CELF2: variants seen among roughly 807,000 people sequenced by gnomAD.
CELF2 encodes CUG triplet repeat RNA-binding protein 2.
Under a neutral mutation model 62.6 loss-of-function variants are expected in CELF2, and 8 were observed. The ratio of observed to expected loss-of-function variants is 0.13; its 90% CI spans 0.07 to 0.23. The LOEUF (loss-of-function observed/expected upper bound fraction) is 0.23, where lower values mean the gene tolerates loss of function less well. CELF2 is among the 10% of genes least tolerant of loss of function. CELF2 has a pLI of 1.00. For synonymous variants in CELF2, 258 were observed against 250.0 expected, an observed-to-expected ratio of 1.03 and a Z score of -0.30; for missense variants, 333 against 671.0, an observed-to-expected ratio of 0.50 and a Z score of 5.56.
intron 1 of CELF2, among the ~76,000 whole-genome samples, chr10:11,009,350 AGTGT>A (rs1176126659): frequency 1.3e-5 from 2 of 150,428 alleles, no homozygotes; most frequent in African/African-American, 4.9e-5. Context: ...CGTGTGTGTG[AGTGT>A]GTGTGTGTGC....
intron 1 of CELF2, among the ~76,000 whole-genome samples, chr10:10,857,184 C>T (rs1034885480): frequency 6.6e-6 from 1 of 152,086 alleles, no homozygotes; most frequent in Non-Finnish European, 1.5e-5. Context: ...TTGCCTTGGT[C>T]GTTGACTGAC....
chr10:11,180,383 C>T (rs2072901967), intron 2 of CELF2, among the ~76,000 whole-genome samples: 1 of 152,202 alleles, frequency 6.6e-6, no homozygotes, highest in Non-Finnish European at 1.5e-5. Flanking sequence ...GGGTTGACTT[C>T]CCCACGCCTC....
At chr10:10,527,623 T>C in the CELF2 span, among the ~76,000 whole-genome samples, 118 of 152,344 alleles carry the variant, frequency 7.7e-4, no homozygotes, top group African/African-American at 2.8e-3. Context: ...CTTTACCTTA[T>C]TATAATATGG....
the CELF2 span, among the ~76,000 whole-genome samples, chr10:10,730,416 G>A: frequency 3.1e-4 from 47 of 152,268 alleles, no homozygotes; most frequent in African/African-American, 1.1e-3. Flanking sequence ...GGCAGAAGTT[G>A]CAGTGAGCCA....
chr10:10,501,280 C>T, the CELF2 span, among the ~76,000 whole-genome samples: 22 of 152,216 alleles, frequency 1.4e-4, no homozygotes, highest in African/African-American at 5.1e-4. Context: ...TTTGTCACTG[C>T]GTTTTACTTT....
the CELF2 span, among the ~76,000 whole-genome samples, chr10:10,672,862 T>A: frequency 6.6e-6 from 1 of 152,168 alleles, no homozygotes; most frequent in Non-Finnish European, 1.5e-5. Context: ...TGTGTTTGCA[T>A]TGAATTTGTA....
chr10:10,697,635 C>A, the CELF2 span, among the ~76,000 whole-genome samples: 1 of 152,128 alleles, frequency 6.6e-6, no homozygotes, highest in East Asian at 1.9e-4. Context: ...GACTGCCAAT[C>A]GGTAGCTGCA....
intron 1 of CELF2, among the ~76,000 whole-genome samples, chr10:10,831,133 A>G (rs1048383124): frequency 6.6e-6 from 1 of 152,218 alleles, no homozygotes; most frequent in African/African-American, 2.4e-5. Context: ...AGAACAAAGA[A>G]AGGAGTCCTC....
chr10:10,600,016 C>T, the CELF2 span, among the ~76,000 whole-genome samples: 1 of 152,308 alleles, frequency 6.6e-6, no homozygotes, highest in African/African-American at 2.4e-5. Flanking sequence ...CAGACGTGAG[C>T]CACCGAGCCC....
Position 11,267,355 on chromosome 10 carries a change from G to T in CELF2, c.618+678G>T, listed in dbSNP as rs530221950. 6.6e-6 allele frequency among the ~76,000 whole-genome samples: 1 copy of T among 152,188 alleles called. No individual in the cohort carries two copies. The highest frequency in any genetic ancestry group is 2.4e-5 in the African/African-American group (1 of 41,442). ...CACCCTGGTGTGGATGCACACCCAC[G>T]AACCTAGATAGATGGCTCTGTACTT... is the stretch of plus-strand genomic sequence containing the variant. On this transcript the variant is annotated intron_variant, in intron 6 of 12. Transcript: ENST00000633077. This position sits in a 1 kb window ranked among gnomAD's most constrained non-coding sequence, Gnocchi z 4.4.
intron 1 of CELF2, among the ~76,000 whole-genome samples, chr10:11,111,918 A>G (rs2055278581): frequency 6.6e-6 from 1 of 152,210 alleles, no homozygotes; most frequent in African/African-American, 2.4e-5. Flanking sequence ...GGAGGAGGAG[A>G]GACCTATTCT....
chr10:10,791,503 A>C, the CELF2 span, among the ~76,000 whole-genome samples: 1 of 152,210 alleles, frequency 6.6e-6, no homozygotes, highest in Non-Finnish European at 1.5e-5. Flanking sequence ...AATGTTTGGC[A>C]TCAGGTGACT....
intron 1 of CELF2, among the ~76,000 whole-genome samples, chr10:10,819,123 C>A (rs760266604): frequency 7.2e-5 from 11 of 152,204 alleles, no homozygotes; most frequent in Non-Finnish European, 1.6e-4. Flanking sequence ...GTATTCTCAT[C>A]TCTAACATGG....
At chr10:10,660,698 A>C in the CELF2 span, among the ~76,000 whole-genome samples, 5 of 152,348 alleles carry the variant, frequency 3.3e-5, no homozygotes, top group Non-Finnish European at 7.3e-5. Context: ...AGCAGACTAA[A>C]ATGTGTAATA....
intron 1 of CELF2, among the ~76,000 whole-genome samples, chr10:11,125,664 G>A (rs1238978536): frequency 6.6e-6 from 1 of 152,154 alleles, no homozygotes; most frequent in African/African-American, 2.4e-5. Flanking sequence ...TTAGAGCGGT[G>A]ATGGTAGCGT....
chr10:10,893,947 C>A (rs2062350574), intron 1 of CELF2, among the ~76,000 whole-genome samples: 1 of 152,122 alleles, frequency 6.6e-6, no homozygotes, highest in South Asian at 2.1e-4. Context: ...GACACAGATC[C>A]AAACCATATC....
the CELF2 span, among the ~76,000 whole-genome samples, chr10:10,543,056 A>T: frequency 6.6e-6 from 1 of 152,194 alleles, no homozygotes; most frequent in Non-Finnish European, 1.5e-5. Context: ...AGCTGATTGC[A>T]GATTCTTTTA....
At chr10:11,140,375 G>A (rs1395943011) in intron 1 of CELF2, among the ~76,000 whole-genome samples, 1 of 151,932 alleles carries the variant, frequency 6.6e-6, no homozygotes. Flanking sequence ...CAGGTAGCTG[G>A]GATTACAGGA....
At chr10:10,742,375 T>C in the CELF2 span, among the ~76,000 whole-genome samples, 1 of 152,130 alleles carries the variant, frequency 6.6e-6, no homozygotes, top group Non-Finnish European at 1.5e-5. Flanking sequence ...ATGCCTATTA[T>C]CCCAGCATTT....
Sources: gnomAD v4.1 joint callset for allele counts (sites outside exome capture counted in the v4.1 genomes callset) on GRCh38, gnomAD v4.1.1 for gene constraint, Gnocchi (gnomAD v3.1) non-coding constraint, MANE v1.5 for transcripts, NCBI Gene and HGNC (gene_info 2026-07-23, HGNC 2026-07-21) for gene names.